The following KCNQ1 variants were observed in gnomAD, a reference collection of about 807,000 sequenced individuals.
KCNQ1 encodes the protein potassium voltage-gated channel subfamily KQT member 1.
Under a neutral mutation model 72.4 loss-of-function variants are expected in KCNQ1, and 49 were observed. The observed-to-expected ratio is 0.68, with a 90% CI of 0.54 to 0.86. KCNQ1 has a LOEUF of 0.86. Among genes scored for constraint, KCNQ1 ranks in the 40% least tolerant of loss-of-function variants. The probability of loss-of-function intolerance (pLI) is 0.00; values close to 1 mark genes in which losing one functional copy is unlikely to be tolerated. For synonymous variants in KCNQ1, 450 were observed against 412.6 expected (o/e 1.09, Z -1.10); for missense variants, 790 against 945.1 (o/e 0.84, Z 2.15).
At chr11:2,798,049 G>A (rs1847174122) in intron 15 of KCNQ1, among the ~76,000 whole-genome samples, 1 of 152,154 alleles carries the variant, frequency 6.6e-6, no homozygotes, top group Non-Finnish European at 1.5e-5. Flanking sequence ...ATCCACAGCG[G>A]CCTTGGGACA....
intron 15 of KCNQ1, among the ~76,000 whole-genome samples, chr11:2,814,442 AGAGAT>A (rs1376690741): frequency 6.6e-6 from 1 of 150,506 alleles, no homozygotes; most frequent in East Asian, 2.0e-4. Context: ...GGGGAAATGA[AGAGAT>A]GGGTGGGTGG....
rs1409102446 is a variant in KCNQ1 at position 2,664,707 on chromosome 11, G to A, written c.1514+2626G>A. 1 of 398,644 alleles carries A rather than the reference G, an allele frequency of 2.5e-6. No individual in the cohort carries two copies. Among genetic ancestry groups the A allele is most frequent in the Non-Finnish European group, 4.4e-6 (1 of 226,174 alleles). The allele number at this position is 398,644 out of a possible 1,614,324, so 24.7% of individuals were successfully genotyped here. ...GGCCCCATGGACCCTGAACTGGGAA[G>A]AGAGGCACACGCCCTGGTGTGTGTG... On this transcript the variant is annotated intron_variant, in intron 11 of 15. Transcript: ENST00000155840. The surrounding 1 kb of genome is among the most constrained non-coding windows in gnomAD (Gnocchi z 5.1).
At position 2,659,414 on chromosome 11, in the gene KCNQ1, C is replaced by T. The variant is rs1437842980; in HGVS notation, c.1394-2547C>T. 1.0e-5 allele frequency: 4 copies of T among 398,452 alleles called. No homozygotes were observed. Among genetic ancestry groups the T allele is most frequent in the Non-Finnish European group, 1.8e-5 (4 of 226,044 alleles). 24.7% of individuals were successfully genotyped at this position (398,452 alleles called of 1,614,324 possible). ...TAGCAAAATGCATTTGAGATTCATC[C>T]ATGTTGTTGCATAAATCATTAGTTA... On this transcript the variant is annotated intron_variant, in intron 10 of 15. Coordinates refer to ENST00000155840, the MANE Select transcript of KCNQ1 (RefSeq NM_000218.3). The surrounding 1 kb of genome is among the most constrained non-coding windows in gnomAD (Gnocchi z 4.3).
chr11:2,585,934 C>G (rs2133755730), intron 8 of KCNQ1, among the ~76,000 whole-genome samples: 1 of 152,182 alleles, frequency 6.6e-6, no homozygotes, highest in East Asian at 1.9e-4. Context: ...TCCAGGCTCT[C>G]CAGGACCCAC....
chr11:2,487,823 C>T (rs142547323), intron 1 of KCNQ1, among the ~76,000 whole-genome samples: 27 of 151,946 alleles, frequency 1.8e-4, no homozygotes, highest in African/African-American at 4.8e-4. Context: ...AATAGTTTTA[C>T]GTCTTTTTTT....
rs1282378781 is a variant in KCNQ1 at position 2,808,986 on chromosome 11, TGGA to T, written c.1794+30952_1794+30954del. Reference sequence around the variant, plus strand: ...AGAGACAGAGAAATAGATGCAGAGATGGAGGGAGGGAGGGAAGGAGGGATGGAT... The same window carrying T: ...AGAGACAGAGAAATAGATGCAGAGATGGGAGGGAGGGAAGGAGGGATGGAT... On this transcript the variant is annotated intron_variant, in intron 15 of 15. Transcript: ENST00000155840. The surrounding 1 kb of genome is among the most constrained non-coding windows in gnomAD (Gnocchi z 6.0). Among the ~76,000 whole-genome samples, 2 of 121,508 alleles carry T rather than the reference TGGA, an allele frequency of 1.6e-5. No homozygotes were observed. The highest frequency in any genetic ancestry group is 3.3e-5 in the Non-Finnish European group (2 of 61,426). The allele number at this position is 121,508 out of a possible 152,430, so 79.7% of individuals were successfully genotyped here. A position where few individuals can be genotyped will look rare whatever the true frequency, so the allele number is the denominator to read the frequency against.
At position 2,592,538 on chromosome 11, in the gene KCNQ1, A is replaced by C. The variant is rs2133766509; in HGVS notation, c.1393+3684A>C. Among the ~76,000 whole-genome samples the C allele has an allele frequency of 6.6e-6, 1 of 152,312 alleles. No individual in the cohort carries two copies. Among genetic ancestry groups the C allele is most frequent in the Non-Finnish European group, 1.5e-5 (1 of 68,002 alleles). ...GGGAGGGGAATGTCAGCAGCCACCC[A>C]GCCCGAGAGCCAGAGCACAGCAGGG... is the stretch of plus-strand genomic sequence containing the variant. On this transcript the variant is annotated intron_variant, in intron 10 of 15. Coordinates refer to ENST00000155840, the MANE Select transcript of KCNQ1 (RefSeq NM_000218.3). This position sits in a 1 kb window ranked among gnomAD's most constrained non-coding sequence, Gnocchi z 5.2.
intron 2 of KCNQ1, among the ~76,000 whole-genome samples, chr11:2,531,162 A>G (rs1847619427): frequency 6.6e-6 from 1 of 151,978 alleles, no homozygotes; most frequent in Non-Finnish European, 1.5e-5. Flanking sequence ...ACCTGCAGGG[A>G]CCTTCAGACG....
chr11:2,670,748 A>T lies in KCNQ1; in HGVS notation c.1514+8667A>T, dbSNP rs1590021425. 2.5e-6 allele frequency: 1 copy of T among 398,532 alleles called. No homozygotes were observed. The highest frequency in any genetic ancestry group is 4.4e-6 in the Non-Finnish European group (1 of 226,100). The allele number at this position is 398,532 out of a possible 1,614,324, so 24.7% of individuals were successfully genotyped here. A position where few individuals can be genotyped will look rare whatever the true frequency, so the allele number is the denominator to read the frequency against. On this transcript the variant is annotated intron_variant, in intron 11 of 15. Transcript: ENST00000155840. This position sits in a 1 kb window ranked among gnomAD's most constrained non-coding sequence, Gnocchi z 4.9. ...AACAGTCTGCAGATATTATCTGGGC[A>T]CTGGCCAGTGGCTCTTGTGGCTGCC... is the stretch of plus-strand genomic sequence containing the variant.
chr11:2,547,252 A>G lies in KCNQ1; in HGVS notation c.477+19234A>G, dbSNP rs1847912672. Among the ~76,000 whole-genome samples, 1 of 152,206 alleles carries G rather than the reference A, an allele frequency of 6.6e-6. No homozygotes were observed. The highest frequency in any genetic ancestry group is 6.5e-5 in the Admixed American group (1 of 15,282). ...ATTATTTATTTATTTATTTTTGCGA[A>G]ACAGTTTCCCTCTGTTGCCCAGGCT... On this transcript the variant is annotated intron_variant, in intron 2 of 15. Coordinates refer to ENST00000155840, the MANE Select transcript of KCNQ1 (RefSeq NM_000218.3). This position sits in a 1 kb window ranked among gnomAD's most constrained non-coding sequence, Gnocchi z 4.2.
Position 2,612,418 on chromosome 11 carries a change from C to G in KCNQ1, c.1393+23564C>G, listed in dbSNP as rs984948967. ...CTATATTATGGTATCCAATGGGTAT[C>G]TCTTCATTTTTCTTCATTATTTTTC... On this transcript the variant is annotated intron_variant, in intron 10 of 15. Coordinates refer to ENST00000155840, the MANE Select transcript of KCNQ1 (RefSeq NM_000218.3). This position sits in a 1 kb window ranked among gnomAD's most constrained non-coding sequence, Gnocchi z 5.5. The G allele has an allele frequency of 2.5e-6, 1 of 398,556 alleles. No individual in the cohort carries two copies. The highest frequency in any genetic ancestry group is 4.4e-6 in the Non-Finnish European group (1 of 226,058). The allele number at this position is 398,556 out of a possible 1,614,324, so 24.7% of individuals were successfully genotyped here. A position where few individuals can be genotyped will look rare whatever the true frequency, so the allele number is the denominator to read the frequency against.
At position 2,658,527 on chromosome 11, in the gene KCNQ1, C is replaced by T. The variant is rs1186152702; in HGVS notation, c.1394-3434C>T. On this transcript the variant is annotated intron_variant, in intron 10 of 15. Coordinates refer to ENST00000155840, the MANE Select transcript of KCNQ1 (RefSeq NM_000218.3). This position sits in a 1 kb window ranked among gnomAD's most constrained non-coding sequence, Gnocchi z 4.9. ...CTAGCACTTGACAATACTTCAGGCT[C>T]ATCTTTTATTTTCCCTACCCTAGCC... The T allele has an allele frequency of 2.5e-6, 1 of 398,332 alleles. No individual in the cohort carries two copies. The highest frequency in any genetic ancestry group is 4.4e-6 in the Non-Finnish European group (1 of 226,024). The allele number at this position is 398,332 out of a possible 1,614,324, so 24.7% of individuals were successfully genotyped here. A position where few individuals can be genotyped will look rare whatever the true frequency, so the allele number is the denominator to read the frequency against.
At position 2,592,726 on chromosome 11, in the gene KCNQ1, G is replaced by T. The variant is rs1848686635; in HGVS notation, c.1393+3872G>T. Among the ~76,000 whole-genome samples, 1 of 152,210 alleles carries T rather than the reference G, an allele frequency of 6.6e-6. No individual in the cohort carries two copies. Among genetic ancestry groups the T allele is most frequent in the Non-Finnish European group, 1.5e-5 (1 of 68,032 alleles). ...TGTCTGTGCCCAGCCTGGGGAGCCT[G>T]ACACTCACAGCCCGGCTGCTGCTGC... On this transcript the variant is annotated intron_variant, in intron 10 of 15. Transcript: ENST00000155840. This position sits in a 1 kb window ranked among gnomAD's most constrained non-coding sequence, Gnocchi z 5.2.
At chr11:2,629,679 G>T in intron 10 of KCNQ1, 1 of 398,448 alleles carries the variant, frequency 2.5e-6, no homozygotes, top group South Asian at 1.3e-4. Context: ...TATTCTTTTT[G>T]ATGCTATTTT....
chr11:2,663,606 T>C lies in KCNQ1; in HGVS notation c.1514+1525T>C. On this transcript the variant is annotated intron_variant, in intron 11 of 15. Transcript: ENST00000155840. The surrounding 1 kb of genome is among the most constrained non-coding windows in gnomAD (Gnocchi z 5.2). ...GAGCTCTCGCTCACCTTGGTTCTCT[T>C]GGTCACGGACCAGCATCCAGACATG... 5.0e-6 allele frequency: 2 copies of C among 398,692 alleles called. No individual in the cohort carries two copies. The highest frequency in any genetic ancestry group is 8.8e-6 in the Non-Finnish European group (2 of 226,114). The allele number at this position is 398,692 out of a possible 1,614,324, so 24.7% of individuals were successfully genotyped here. A position where few individuals can be genotyped will look rare whatever the true frequency, so the allele number is the denominator to read the frequency against.
chr11:2,456,692 T>C (rs57209697), intron 1 of KCNQ1, among the ~76,000 whole-genome samples: 26,693 of 142,352 alleles, frequency 0.19, 3,173 homozygotes, highest in East Asian at 0.38. Context: ...GAGGCCAAGG[T>C]GGGCAGATCA....
chr11:2,844,629 C>CAGGACTG (rs1449770555), intron 15 of KCNQ1, among the ~76,000 whole-genome samples: 1 of 152,202 alleles, frequency 6.6e-6, no homozygotes, highest in Non-Finnish European at 1.5e-5. Context: ...CAAAGTGGCT[C>CAGGACTG]AGGACTGAGC....
intron 15 of KCNQ1, among the ~76,000 whole-genome samples, chr11:2,805,977 T>C (rs1278199845): frequency 3.3e-5 from 5 of 152,198 alleles, no homozygotes; most frequent in African/African-American, 9.6e-5. Flanking sequence ...ACAGACCGCA[T>C]GTGCAGCATT....
rs998301322 is a variant in KCNQ1 at position 2,468,454 on chromosome 11, A to C, written c.386+22970A>C. On this transcript the variant is annotated intron_variant, in intron 1 of 15. Coordinates refer to ENST00000155840, the MANE Select transcript of KCNQ1 (RefSeq NM_000218.3). The surrounding 1 kb of genome is among the most constrained non-coding windows in gnomAD (Gnocchi z 5.7). ...GCACTTTTTTTTTCTAAGTAGCTTTACGGAGGCGTGCTTGGCATACGGTAA... is the reference window on the plus strand; with the variant it reads ...GCACTTTTTTTTTCTAAGTAGCTTTCCGGAGGCGTGCTTGGCATACGGTAA... Among the ~76,000 whole-genome samples, 1 of 152,022 alleles carries C rather than the reference A, an allele frequency of 6.6e-6. No homozygotes were observed. Among genetic ancestry groups the C allele is most frequent in the East Asian group, 1.9e-4 (1 of 5,178 alleles).
Sources: allele counts gnomAD v4.1 joint callset (sites outside exome capture counted in the v4.1 genomes callset), GRCh38; gene constraint gnomAD v4.1.1; non-coding constraint Gnocchi (gnomAD v3.1); transcripts MANE v1.5; gene names NCBI Gene and HGNC (gene_info 2026-07-23, HGNC 2026-07-21).